The following STXBP2 variants were observed in gnomAD, a reference collection of about 807,000 sequenced individuals.
STXBP2 encodes the protein syntaxin-binding protein 2.
In STXBP2, 47 loss-of-function variants were observed where a neutral mutation model predicts 72.2. The observed-to-expected ratio is 0.65, with a 90% CI of 0.51 to 0.83. The LOEUF (loss-of-function observed/expected upper bound fraction) is 0.83. Among genes scored for constraint, STXBP2 ranks in the 40% least tolerant of loss-of-function variants. The probability of loss-of-function intolerance (pLI) is 0.00; values close to 1 mark genes in which losing one functional copy is unlikely to be tolerated. For synonymous variants in STXBP2, 367 were observed against 338.7 expected, an observed-to-expected ratio of 1.08 and a Z score of -0.92; for missense variants, 702 against 807.6, an observed-to-expected ratio of 0.87 and a Z score of 1.58.
chr19:7,635,688 C>A (rs1002723883), upstream of STXBP2, among the ~76,000 whole-genome samples: 1 of 152,018 alleles, frequency 6.6e-6, no homozygotes, highest in African/African-American at 2.4e-5. Context: ...AGAGCGAGAC[C>A]CGTCTCTTTA....
chr19:7,631,507 G>A, the STXBP2 span: 168 of 1,536,106 alleles, frequency 1.1e-4, no homozygotes, highest in Non-Finnish European at 1.4e-4. Context: ...GAGAGGTTAC[G>A]GAAGCGGCGG....
At chr19:7,646,481 C>G (rs2032144236) in intron 16 of STXBP2, 137 bp downstream of exon 16, 3 of 875,652 alleles carry the variant, frequency 3.4e-6, no homozygotes, top group Non-Finnish European at 1.9e-6. Flanking sequence ...CCGATCTGCT[C>G]TGCTGAGGGG....
intron 14 of STXBP2, 181 bp downstream of exon 14, chr19:7,644,933 A>T: frequency 6.9e-7 from 1 of 1,456,610 alleles, no homozygotes; most frequent in Non-Finnish European, 9.0e-7. Context: ...TCCTCCACTG[A>T]GGTGAGGGCT....
intron 1 of STXBP2, among the ~76,000 whole-genome samples, chr19:7,637,429 G>A (rs1230319213): frequency 2.0e-5 from 3 of 152,192 alleles, no homozygotes; most frequent in African/African-American, 7.2e-5. Flanking sequence ...GACGGGTAGA[G>A]TGTGGCGGAG....
At chr19:7,632,736 G>C, upstream of STXBP2, 1 of 1,561,490 alleles carries the variant, frequency 6.4e-7, no homozygotes, top group Non-Finnish European at 8.6e-7. This position sits in a 1 kb window ranked among gnomAD's most constrained non-coding sequence, Gnocchi z 5.2. Flanking sequence ...GGTCTGGCCC[G>C]GCCCGGCTTG....
intron 16 of STXBP2, chr19:7,646,830 C>A: frequency 2.1e-6 from 1 of 465,692 alleles, no homozygotes; most frequent in Non-Finnish European, 3.9e-6. Context: ...AGCCCAGACA[C>A]TGGGTTCCCC....
At chr19:7,631,720 C>A in the STXBP2 span, 2 of 1,447,838 alleles carry the variant, frequency 1.4e-6, no homozygotes, top group Non-Finnish European at 9.1e-7. Flanking sequence ...CTGGGGGCTG[C>A]TGTTCCGACG....
the STXBP2 span, chr19:7,630,124 C>T: frequency 2.1e-6 from 1 of 465,622 alleles, no homozygotes; most frequent in South Asian, 3.7e-5. Context: ...GAGAAGGGGG[C>T]TCTAAAGAAG....
At chr19:7,640,527 T>TGC in intron 4 of STXBP2, 1 of 701,908 alleles carries the variant, frequency 1.4e-6, no homozygotes, top group Non-Finnish European at 2.6e-6. Flanking sequence ...TGTGCATGCG[T>TGC]GTGTATGTGT....
At chr19:7,640,167 T>G in intron 4 of STXBP2, 1 of 557,296 alleles carries the variant, frequency 1.8e-6, no homozygotes, top group South Asian at 1.6e-5. Flanking sequence ...TGTATGTGTG[T>G]GTGTGCGTCT....
intron 4 of STXBP2, chr19:7,640,525 C>CGT (rs1158778625): frequency 3.0e-6 from 2 of 671,616 alleles, no homozygotes; most frequent in South Asian, 1.5e-5. Flanking sequence ...TGTGTGCATG[C>CGT]GTGTGTATGT....
At chr19:7,640,372 G>A (rs1203638014) in intron 4 of STXBP2, 2 of 574,342 alleles carry the variant, frequency 3.5e-6, no homozygotes, top group South Asian at 3.2e-5. Flanking sequence ...GTATGCGTGT[G>A]TGTGCGCATC....
Position 7,641,861 on chromosome 19 carries a change from C to T in STXBP2, c.578+8C>T, listed in dbSNP as rs1473440853. Reference sequence around the variant, plus strand: ...GGCCATCCGCTACCGCAAGTGGGGACCCCACCCAGCCCCACCCCGATGCCG... The same window carrying T: ...GGCCATCCGCTACCGCAAGTGGGGATCCCACCCAGCCCCACCCCGATGCCG... On this transcript the variant is annotated splice_region_variant and intron_variant, in intron 7 of 18. Transcript: ENST00000221283. 2 of 1,550,764 alleles carry T rather than the reference C, an allele frequency of 1.3e-6. No individual in the cohort carries two copies. Among genetic ancestry groups the T allele is most frequent in the Non-Finnish European group, 8.7e-7 (1 of 1,147,592 alleles).
chr19:7,630,529 A>G, the STXBP2 span: 42 of 1,456,516 alleles, frequency 2.9e-5, no homozygotes, highest in Non-Finnish European at 3.7e-5. Flanking sequence ...GCCTCTGCAC[A>G]TTGCTTGGGG....
chr19:7,630,093 G>T, the STXBP2 span: 13 of 512,398 alleles, frequency 2.5e-5, no homozygotes, highest in East Asian at 4.3e-4. Flanking sequence ...TCCGAGGAAG[G>T]ACCTCAGAGA....
rs202199284 is a variant in STXBP2, at chr19:7,644,747, G to A, written c.1241G>A (p.Arg414Gln). ...GTCCTGCTGCTCTACATCCTCCTTCGGAATGGTGGGTGGGGGCTGCAGGGA... is the reference window on the plus strand; with the variant it reads ...GTCCTGCTGCTCTACATCCTCCTTCAGAATGGTGGGTGGGGGCTGCAGGGA... ...IRVLLLYILL[R>Q]NGVSEENLAK... The change falls in exon 14 of 19, where the codon CGG (arginine) becomes CAG (glutamine). Residue 414 changes from arginine to glutamine, a missense_variant. Arg to Gln is a conservative substitution (Grantham distance 43). Transcript: ENST00000221283. The A allele has an allele frequency of 7.4e-6, 12 of 1,613,566 alleles. No homozygotes were observed. Among genetic ancestry groups the A allele is most frequent in the Admixed American group, 1.7e-5 (1 of 59,980 alleles).
intron 3 of STXBP2, 76 bp from the exon 4 acceptor site, chr19:7,639,655 C>A (rs2031706469): frequency 1.4e-6 from 2 of 1,394,842 alleles, no homozygotes; most frequent in Non-Finnish European, 2.0e-6. Flanking sequence ...AAGCCTCCAA[C>A]CCCCCACACC....
At chr19:7,634,465 TA>T (rs1179028269), upstream of STXBP2, among the ~76,000 whole-genome samples, 4 of 152,232 alleles carry the variant, frequency 2.6e-5, no homozygotes, top group Non-Finnish European at 5.9e-5. Flanking sequence ...TCAGTACGTG[TA>T]TCCCTTTCCT....
chr19:7,647,112 C>T lies in STXBP2; in HGVS notation c.1453-50C>T, dbSNP rs780875654. The T allele has an allele frequency of 3.8e-6, 6 of 1,599,538 alleles. No individual in the cohort carries two copies. In the African/African-American group the frequency reaches 8.0e-5, roughly 21 times the overall value. ...TACCCCGTGGGGGGCACTCCTGACCCCGGACCCCATGCCTGGGGTTCCTCC... is the reference window on the plus strand; with the variant it reads ...TACCCCGTGGGGGGCACTCCTGACCTCGGACCCCATGCCTGGGGTTCCTCC... On this transcript the variant is annotated intron_variant, in intron 16 of 18. Transcript: ENST00000221283.
Sources: allele counts gnomAD v4.1 joint callset (sites outside exome capture counted in the v4.1 genomes callset), GRCh38; gene constraint gnomAD v4.1.1; non-coding constraint Gnocchi (gnomAD v3.1); transcripts MANE v1.5; gene names NCBI Gene and HGNC (gene_info 2026-07-23, HGNC 2026-07-21).